The following CNBD2 variants were observed in gnomAD, a reference collection of about 807,000 sequenced individuals.
CNBD2 encodes cyclic nucleotide-binding domain-containing protein 2.
CNBD2 carries 64 observed loss-of-function variants against 63.7 expected under a neutral mutation model. That is an observed-to-expected ratio of 1.00 (90% confidence interval 0.82 to 1.24). CNBD2 has a LOEUF of 1.24. CNBD2 is among the 50% of genes most tolerant of loss of function. The pLI, the probability that CNBD2 is intolerant of heterozygous loss-of-function variation, is 0.00. For missense variants in CNBD2, 691 were observed against 713.5 expected, an observed-to-expected ratio of 0.97 and a Z score of 0.36; for synonymous variants, 229 against 255.4, an observed-to-expected ratio of 0.90 and a Z score of 0.99.
intron 10 of CNBD2, among the ~76,000 whole-genome samples, chr20:36,011,557 C>T (rs1004035188): frequency 2.0e-5 from 3 of 152,060 alleles, no homozygotes; most frequent in Non-Finnish European, 2.9e-5. Context: ...TGGTGGTGTA[C>T]GCCTGTAATC....
At position 36,030,614 on chromosome 20, in the gene CNBD2, C is replaced by G. The variant is rs537703421; in HGVS notation, c.1697C>G (p.Ala566Gly). ...PPLRIVQAIK[A>G]PRYKIRELLA Reference sequence around the variant, plus strand: ...TTGAGGATTGTCCAAGCCATCAAAGCACCTCGGTACAAAATCCGAGAACTC... The same window carrying G: ...TTGAGGATTGTCCAAGCCATCAAAGGACCTCGGTACAAAATCCGAGAACTC... The change falls in exon 12 of 12, where the codon GCA (alanine) becomes GGA (glycine). Residue 566 changes from alanine to glycine, a missense_variant. Transcript: ENST00000373973. 1 of 1,614,192 alleles carries G rather than the reference C, an allele frequency of 6.2e-7. No homozygotes were observed. Among genetic ancestry groups the G allele is most frequent in the Middle Eastern group, 1.6e-4 (1 of 6,062 alleles).
At chr20:35,954,492 G>C, upstream of CNBD2, 1 of 1,543,292 alleles carries the variant, frequency 6.5e-7, no homozygotes. Context: ...GAAAGTCTCT[G>C]GCTTCTCTGC....
intron 10 of CNBD2, among the ~76,000 whole-genome samples, chr20:36,017,738 C>T (rs1172234547): frequency 6.6e-6 from 1 of 152,196 alleles, no homozygotes; most frequent in Non-Finnish European, 1.5e-5. Context: ...TTTTCATATT[C>T]ACGCAGAGTG....
intron 10 of CNBD2, among the ~76,000 whole-genome samples, chr20:36,019,993 G>C (rs1313176549): frequency 6.6e-6 from 1 of 152,212 alleles, no homozygotes; most frequent in Non-Finnish European, 1.5e-5. Flanking sequence ...TGTAGTTGCT[G>C]AAAGCACAGA....
chr20:36,009,918 C>T (rs1473537488), intron 9 of CNBD2, among the ~76,000 whole-genome samples: 9 of 152,146 alleles, frequency 5.9e-5, no homozygotes, highest in South Asian at 2.1e-4. Context: ...CTATTATAAT[C>T]ATTCCCATTT....
rs561537540 is a variant in CNBD2 at position 35,999,708 on chromosome 20, G to C, written c.970+4556G>C. 7.7e-5 allele frequency among the ~76,000 whole-genome samples: 10 copies of C among 130,424 alleles called. No individual in the cohort carries two copies. In the East Asian group the frequency reaches 2.2e-3, roughly 29 times the overall value. The allele number at this position is 130,424 out of a possible 152,430, so 85.6% of individuals were successfully genotyped here. ...TTTTTTTTTTTTGAGACGGAGTTTT[G>C]CTCCTGTTGCCCAGGCTGGAGTGCA... On this transcript the variant is annotated intron_variant, in intron 8 of 11. Coordinates refer to ENST00000373973, the MANE Select transcript of CNBD2 (RefSeq NM_001365709.1).
chr20:35,975,302 CT>C (rs1416435121), intron 2 of CNBD2, among the ~76,000 whole-genome samples: 6 of 84,138 alleles, frequency 7.1e-5, no homozygotes, highest in Admixed American at 2.4e-4. Context: ...CGCCCGGCCT[CT>C]TTTTTTTTAT....
At chr20:35,972,590 A>G (rs776616882) in intron 1 of CNBD2, 39 bp from the exon 2 acceptor site, 3 of 1,608,552 alleles carry the variant, frequency 1.9e-6, no homozygotes, top group East Asian at 2.2e-5. Flanking sequence ...TGTTGAGAAC[A>G]GATGGTTTCT....
intron 9 of CNBD2, 77 bp downstream of exon 9, chr20:36,008,551 C>A: frequency 7.1e-7 from 1 of 1,405,132 alleles, no homozygotes; most frequent in Non-Finnish European, 9.6e-7. Flanking sequence ...GGCAGAATGT[C>A]AGGGATGCGG....
chr20:36,015,872 G>A (rs2057126072), intron 10 of CNBD2, among the ~76,000 whole-genome samples: 1 of 152,180 alleles, frequency 6.6e-6, no homozygotes, highest in East Asian at 1.9e-4. Context: ...TTAAAGGAGA[G>A]AGTGCCTAAC....
At position 35,974,296 on chromosome 20, in the gene CNBD2, G is replaced by A. The variant is rs1281272646; in HGVS notation, c.189+1530G>A. ...GAAGAACTGTAACCAAAAGACTCAG[G>A]TTAGCTCTCAGGAAGGACCTCCTGA... On this transcript the variant is annotated intron_variant, in intron 2 of 11. Transcript: ENST00000373973. 28 of 153,728 alleles carry A rather than the reference G, an allele frequency of 1.8e-4. No homozygotes were observed. In the Admixed American group the frequency reaches 1.8e-3, roughly 10 times the overall value. The allele number at this position is 153,728 out of a possible 1,614,324, so 9.5% of individuals were successfully genotyped here.
In CNBD2 at chr20:35,976,010, T is replaced by C. The variant is rs1407399571; in HGVS notation, c.243+8T>C. 6.2e-7 allele frequency: 1 copy of C among 1,606,520 alleles called. No homozygotes were observed. Among genetic ancestry groups the C allele is most frequent in the Admixed American group, 1.7e-5 (1 of 59,938 alleles). On this transcript the variant is annotated splice_region_variant and intron_variant, in intron 3 of 11. Coordinates refer to ENST00000373973, the MANE Select transcript of CNBD2 (RefSeq NM_001365709.1). ...GACTTCATTGCAGAGGAGGTATGCA[T>C]AGCTCGAAACTTGCTGTGGGGGAAT...
chr20:35,987,349 A>C (rs140492907), intron 6 of CNBD2, 46 bp from the exon 7 acceptor site: 1 of 1,610,924 alleles, frequency 6.2e-7, no homozygotes, highest in South Asian at 1.1e-5. Flanking sequence ...AGGTCTGGGC[A>C]CCTTGTGTGA....
chr20:36,000,479 C>CGATTA (rs2056881346), intron 8 of CNBD2, among the ~76,000 whole-genome samples: 1 of 151,900 alleles, frequency 6.6e-6, no homozygotes, highest in Non-Finnish European at 1.5e-5. Context: ...CTGGTTCAAG[C>CGATTA]GATTACCCTG....
intron 6 of CNBD2, among the ~76,000 whole-genome samples, chr20:35,986,662 G>A (rs2056671888): frequency 6.6e-6 from 1 of 152,188 alleles, no homozygotes; most frequent in Non-Finnish European, 1.5e-5. Flanking sequence ...GCGCATTGAG[G>A]CCTGAGTCAC....
intron 8 of CNBD2, among the ~76,000 whole-genome samples, chr20:35,997,632 C>T (rs1013750960): frequency 2.6e-5 from 4 of 152,086 alleles, no homozygotes; most frequent in Admixed American, 1.3e-4. Flanking sequence ...AATAATGGTC[C>T]GTACCTCGTA....
At chr20:36,005,460 A>G (rs1889432764) in intron 8 of CNBD2, among the ~76,000 whole-genome samples, 2 of 152,300 alleles carry the variant, frequency 1.3e-5, no homozygotes, top group Admixed American at 1.3e-4. Context: ...CTAACAGGCC[A>G]CGGACCTGTA....
intron 11 of CNBD2, among the ~76,000 whole-genome samples, chr20:36,028,764 C>T (rs1484822968): frequency 1.3e-5 from 2 of 151,292 alleles, no homozygotes; most frequent in Admixed American, 1.3e-4. Flanking sequence ...CAATGTCCCC[C>T]CACTGGGTTC....
intron 8 of CNBD2, among the ~76,000 whole-genome samples, chr20:36,008,044 G>C (rs955666531): frequency 6.6e-6 from 1 of 152,132 alleles, no homozygotes; most frequent in Non-Finnish European, 1.5e-5. Context: ...GCTCTCTGCT[G>C]TTCATCTTAT....
Sources: gnomAD v4.1 joint callset for allele counts (sites outside exome capture counted in the v4.1 genomes callset) on GRCh38, gnomAD v4.1.1 for gene constraint, MANE v1.5 for transcripts, NCBI Gene and HGNC (gene_info 2026-07-23, HGNC 2026-07-21) for gene names.